CLVS1: variants seen among roughly 807,000 people sequenced by gnomAD.
The protein encoded by CLVS1 is clavesin-1.
CLVS1 carries 10 observed loss-of-function variants against 33.1 expected under a neutral mutation model. The ratio of observed to expected loss-of-function variants is 0.30; its 90% CI spans 0.19 to 0.51. The LOEUF (loss-of-function observed/expected upper bound fraction) is 0.51. Among genes scored for constraint, CLVS1 ranks in the 20% least tolerant of loss-of-function variants. CLVS1 has a pLI of 0.97. For missense variants in CLVS1, 343 were observed against 433.4 expected, an observed-to-expected ratio of 0.79 and a Z score of 1.85; for synonymous variants, 163 against 166.1, an observed-to-expected ratio of 0.98 and a Z score of 0.14.
chr8:61,005,112 G>C, the CLVS1 span, among the ~76,000 whole-genome samples: 1 of 152,158 alleles, frequency 6.6e-6, no homozygotes, highest in Non-Finnish European at 1.5e-5. Flanking sequence ...CCCGATAGGG[G>C]CATCTTGCAG....
At chr8:61,121,473 G>A (rs1299917986) in intron 1 of CLVS1, among the ~76,000 whole-genome samples, 1 of 152,140 alleles carries the variant, frequency 6.6e-6, no homozygotes, top group African/African-American at 2.4e-5. Flanking sequence ...ATGTGAATGC[G>A]TGTATCTGTT....
At chr8:61,022,945 CG>C in the CLVS1 span, among the ~76,000 whole-genome samples, 2 of 152,222 alleles carry the variant, frequency 1.3e-5, no homozygotes, top group Non-Finnish European at 2.9e-5. Context: ...GAGAATGTGA[CG>C]GCTGCATTTT....
At chr8:61,077,192 G>A (rs1017756229) in intron 1 of CLVS1, among the ~76,000 whole-genome samples, 1 of 151,582 alleles carries the variant, frequency 6.6e-6, no homozygotes, top group Non-Finnish European at 1.5e-5. Context: ...TCCTGCCTCA[G>A]CCTCCCGAGT....
intron 2 of CLVS1, among the ~76,000 whole-genome samples, chr8:61,258,875 T>C (rs1041506169): frequency 1.3e-5 from 2 of 152,200 alleles, no homozygotes; most frequent in Non-Finnish European, 2.9e-5. Flanking sequence ...GGAAAAACAG[T>C]GCCTAGCTTT....
chr8:61,454,372 G>T, intron 4 of CLVS1, 121 bp downstream of exon 4: 1 of 773,908 alleles, frequency 1.3e-6, no homozygotes, highest in South Asian at 1.6e-5. Flanking sequence ...TTTCACTGTG[G>T]TTTTTCTACA....
chr8:60,995,738 A>G, the CLVS1 span, among the ~76,000 whole-genome samples: 1 of 152,256 alleles, frequency 6.6e-6, no homozygotes, highest in Non-Finnish European at 1.5e-5. Flanking sequence ...CATTATTCAC[A>G]ATAGCAAAGA....
rs148194363 is a variant in CLVS1 at position 61,245,145 on chromosome 8, G to A, written c.-151-54532G>A. ...CTTCCTTTTGATTAGCATTTTTGTG[G>A]TGTATTGTTTTTCATCCTTCCACTT... On this transcript the variant is annotated intron_variant, in intron 2 of 2. Coordinates refer to the CLVS1 transcript ENST00000522621. Among the ~76,000 whole-genome samples the A allele has an allele frequency of 4.4e-3, 663 of 151,792 alleles. 9 individuals carry two copies. Among genetic ancestry groups the A allele is most frequent in the Non-Finnish European group, 5.6e-3 (381 of 67,918 alleles).
chr8:61,114,002 C>A (rs1563407731), intron 1 of CLVS1, among the ~76,000 whole-genome samples: 1 of 152,210 alleles, frequency 6.6e-6, no homozygotes, highest in Admixed American at 6.5e-5. Context: ...ATACTTTAGG[C>A]CTTGTGGCCC....
the CLVS1 span, among the ~76,000 whole-genome samples, chr8:60,974,486 T>C: frequency 6.6e-6 from 1 of 152,210 alleles, no homozygotes; most frequent in Non-Finnish European, 1.5e-5. Context: ...TACACAAACA[T>C]TGACTTCCTC....
chr8:61,360,871 C>T (rs1223038026), intron 2 of CLVS1, among the ~76,000 whole-genome samples: 1 of 151,904 alleles, frequency 6.6e-6, no homozygotes, highest in Non-Finnish European at 1.5e-5. Context: ...CCTTGTACTT[C>T]TATAAAGAAA....
At chr8:60,997,262 G>A in the CLVS1 span, among the ~76,000 whole-genome samples, 1 of 152,072 alleles carries the variant, frequency 6.6e-6, no homozygotes, top group Non-Finnish European at 1.5e-5. Context: ...TTCTAATGAT[G>A]AGAAGCCCTC....
At chr8:60,995,873 G>A in the CLVS1 span, among the ~76,000 whole-genome samples, 1 of 152,214 alleles carries the variant, frequency 6.6e-6, no homozygotes, top group African/African-American at 2.4e-5. Flanking sequence ...GGACATGGAT[G>A]AAATTGGAAA....
chr8:61,281,699 C>T (rs780362923), intron 2 of CLVS1, among the ~76,000 whole-genome samples: 1 of 152,188 alleles, frequency 6.6e-6, no homozygotes, highest in Non-Finnish European at 1.5e-5. Context: ...ATTTCTGCCG[C>T]ATTTGCATTT....
the CLVS1 span, among the ~76,000 whole-genome samples, chr8:60,989,118 T>C: frequency 6.6e-6 from 1 of 152,224 alleles, no homozygotes; most frequent in Non-Finnish European, 1.5e-5. Context: ...CCTCCTGCTT[T>C]GGCCTCCCAA....
At chr8:61,272,526 T>C (rs1180153568) in intron 2 of CLVS1, among the ~76,000 whole-genome samples, 1 of 152,148 alleles carries the variant, frequency 6.6e-6, no homozygotes, top group Non-Finnish European at 1.5e-5. Flanking sequence ...ATTTCCTGAA[T>C]CTGAACGTTG....
chr8:61,157,860 C>T (rs1385405296), intron 2 of CLVS1, among the ~76,000 whole-genome samples: 3 of 151,908 alleles, frequency 2.0e-5, no homozygotes, highest in Admixed American at 6.6e-5. Context: ...ACTATAATGG[C>T]TAAAATGAGA....
intron 5 of CLVS1, among the ~76,000 whole-genome samples, chr8:61,469,995 C>T (rs150779440): frequency 6.6e-6 from 1 of 152,178 alleles, no homozygotes; most frequent in African/African-American, 2.4e-5. Flanking sequence ...CTAAGGTAAG[C>T]CATAAATTCC....
At position 61,313,326 on chromosome 8, in the gene CLVS1, C is replaced by G. The variant is rs532000039; in HGVS notation, c.455+13044C>G. On this transcript the variant is annotated intron_variant, in intron 2 of 5. Coordinates refer to ENST00000325897, the MANE Select transcript of CLVS1 (RefSeq NM_173519.3). ...GAAAGAGCTTGCCAAGCTGGGGAAA[C>G]CTCAGTTGATTCCAGTGAGCACAGA... 3.3e-5 allele frequency among the ~76,000 whole-genome samples: 5 copies of G among 152,248 alleles called. No individual in the cohort carries two copies. In the South Asian group the frequency reaches 1.0e-3, roughly 32 times the overall value.
chr8:61,068,219 GTATGTATGTGTATATATATATATATA>G (rs1416805766), intron 1 of CLVS1, among the ~76,000 whole-genome samples: 5 of 104,352 alleles, frequency 4.8e-5, no homozygotes, highest in Admixed American at 1.9e-4. Context: ...ATATATATAT[GTATGTATGTGTATATATATATATATA>G]TATGTATATA....
Sources: gnomAD v4.1 joint callset for allele counts (sites outside exome capture counted in the v4.1 genomes callset) on GRCh38, gnomAD v4.1.1 for gene constraint, MANE v1.5 for transcripts, NCBI Gene and HGNC (gene_info 2026-07-23, HGNC 2026-07-21) for gene names.